The following GALR1 variants were observed in gnomAD, a reference collection of about 807,000 sequenced individuals.
The protein encoded by GALR1 is galanin receptor type 1.
In GALR1, 11 loss-of-function variants were observed where a neutral mutation model predicts 17.9. The observed-to-expected ratio is 0.62, with a 90% confidence interval of 0.39 to 1.02. The LOEUF is 1.02. Among genes scored for constraint, GALR1 ranks in the 50% least tolerant of loss-of-function variants. The pLI, the probability that GALR1 is intolerant of heterozygous loss-of-function variation, is 0.01. For missense variants in GALR1, 441 were observed against 456.9 expected (o/e 0.97, Z 0.32); for synonymous variants, 206 against 205.7 (o/e 1.00, Z -0.01).
At position 77,250,804 on chromosome 18, in the gene GALR1, C is replaced by G. The variant is rs748966690; in HGVS notation, c.256C>G (p.Leu86Val). Residue 86 changes from leucine (L) to valine (V), a missense_variant, in exon 1 of 3, where the codon CTC becomes GTC. Transcript: ENST00000299727. Reference protein sequence around the residue: ...NLSIADLAYLLFCIPFQATVY... With the variant: ...NLSIADLAYLVFCIPFQATVY... ...GAGCATCGCCGACCTGGCCTACCTG[C>G]TCTTCTGCATCCCCTTCCAGGCCAC... 5 of 1,613,884 alleles carry G rather than the reference C, an allele frequency of 3.1e-6. No individual in the cohort carries two copies. Among genetic ancestry groups the G allele is most frequent in the Non-Finnish European group, 4.2e-6 (5 of 1,180,018 alleles).
Position 77,260,672 on chromosome 18 carries a change from G to A in GALR1, c.732+4449G>A, listed in dbSNP as rs530712285. Among the ~76,000 whole-genome samples the A allele has an allele frequency of 2.6e-5, 4 of 152,320 alleles. No homozygotes were observed. In the South Asian group the frequency reaches 8.3e-4, roughly 32 times the overall value. On this transcript the variant is annotated intron_variant, in intron 2 of 2. Coordinates refer to ENST00000299727, the MANE Select transcript of GALR1 (RefSeq NM_001480.4). ...GTCTTTCATGATAAACATGCTAACA[G>A]TTATTCTCCATGTTTGGAGCAAGTG... is the stretch of plus-strand genomic sequence containing the variant.
chr18:77,251,245 G>C (rs776637657), intron 1 of GALR1, 31 bp downstream of exon 1: 1 of 1,568,408 alleles, frequency 6.4e-7, no homozygotes, highest in Admixed American at 1.7e-5. Flanking sequence ...CGAGACGCGC[G>C]AGGGAGGGCG....
Position 77,250,506 on chromosome 18 carries a change from C to T in GALR1, c.-43C>T. On this transcript the variant is annotated 5_prime_UTR_variant, in exon 1 of 3. Coordinates refer to ENST00000299727, the MANE Select transcript of GALR1 (RefSeq NM_001480.4). ...CCCGGCGCCTACTATCCCGCCCTCC[C>T]TCCCCGCGCGCCCCGCCGCTCGCCG... is the stretch of plus-strand genomic sequence containing the variant. The T allele has an allele frequency of 7.0e-7, 1 of 1,428,450 alleles. No individual in the cohort carries two copies. Among genetic ancestry groups the T allele is most frequent in the East Asian group, 2.6e-5 (1 of 37,860 alleles). 88.5% of individuals were successfully genotyped at this position (1,428,450 alleles called of 1,614,324 possible). A position where few individuals can be genotyped will look rare whatever the true frequency, so the allele number is the denominator to read the frequency against.
intron 2 of GALR1, among the ~76,000 whole-genome samples, chr18:77,258,675 GTGGTGA>G (rs1367013350): frequency 2.7e-5 from 4 of 149,170 alleles, no homozygotes; most frequent in African/African-American, 5.0e-5. Flanking sequence ...GGTGGTCATG[GTGGTGA>G]TGGTGATGGT....
intron 2 of GALR1, among the ~76,000 whole-genome samples, chr18:77,258,145 G>C (rs9951696): frequency 6.6e-6 from 1 of 152,020 alleles, no homozygotes; most frequent in African/African-American, 2.4e-5. Flanking sequence ...CTAAAGATCA[G>C]TGATTAGTTC....
rs1913142756 is a variant in GALR1 at position 77,275,706 on chromosome 18, G to A, written c.*6804G>A. 1 of 152,232 alleles carries A rather than the reference G, an allele frequency of 6.6e-6. No individual in the cohort carries two copies. Among genetic ancestry groups the A allele is most frequent in the Non-Finnish European group, 1.5e-5 (1 of 68,040 alleles). The allele number at this position is 152,232 out of a possible 1,614,324, so 9.4% of individuals were successfully genotyped here. A position where few individuals can be genotyped will look rare whatever the true frequency, so the allele number is the denominator to read the frequency against. ...AAAGGAAACAGGGTACACAAATGCT[G>A]TTTGGGAACATTGTGTCAGGATCAC... is the stretch of plus-strand genomic sequence containing the variant. On this transcript the variant is annotated 3_prime_UTR_variant, in exon 3 of 3. Coordinates refer to ENST00000299727, the MANE Select transcript of GALR1 (RefSeq NM_001480.4).
intron 2 of GALR1, among the ~76,000 whole-genome samples, chr18:77,264,594 G>A (rs1393178199): frequency 6.6e-6 from 1 of 152,064 alleles, no homozygotes; most frequent in East Asian, 1.9e-4. Flanking sequence ...AAGAGAGTGG[G>A]TATATTAGTC....
At chr18:77,252,381 G>GTGAC (rs1912438715) in intron 1 of GALR1, among the ~76,000 whole-genome samples, 1 of 152,230 alleles carries the variant, frequency 6.6e-6, no homozygotes, top group Admixed American at 6.5e-5. Context: ...CAATAAGGCT[G>GTGAC]TGACTATACG....
intron 1 of GALR1, among the ~76,000 whole-genome samples, chr18:77,255,535 G>T (rs1912566922): frequency 1.3e-5 from 2 of 152,204 alleles, no homozygotes; most frequent in Admixed American, 6.5e-5. Context: ...GAAGCCTGAT[G>T]GGAGGTGATT....
chr18:77,268,770 C>G lies in GALR1; in HGVS notation c.918C>G (p.Leu306=). Reference sequence around the variant, plus strand: ...TGAATCCTATCATTTATGCATTTCTCTCTGAAAATTTCAGGAAGGCCTATA... The same window carrying G: ...TGAATCCTATCATTTATGCATTTCTGTCTGAAAATTTCAGGAAGGCCTATA... ...SSVNPIIYAF[L]SENFRKAYKQ... Residue 306 remains leucine, a synonymous_variant, in exon 3 of 3, where the codon CTC becomes CTG. Transcript: ENST00000299727. The G allele has an allele frequency of 1.2e-6, 2 of 1,614,180 alleles. No homozygotes were observed. Among genetic ancestry groups the G allele is most frequent in the Non-Finnish European group, 1.7e-6 (2 of 1,180,022 alleles).
Position 77,276,598 on chromosome 18 carries a change from TG to T in GALR1, c.*7697del, listed in dbSNP as rs1279029215. The T allele has an allele frequency of 1.3e-5, 2 of 152,124 alleles. No homozygotes were observed. Among genetic ancestry groups the T allele is most frequent in the Non-Finnish European group, 2.9e-5 (2 of 68,026 alleles). The allele number at this position is 152,124 out of a possible 1,614,324, so 9.4% of individuals were successfully genotyped here. A position where few individuals can be genotyped will look rare whatever the true frequency, so the allele number is the denominator to read the frequency against. On this transcript the variant is annotated 3_prime_UTR_variant, in exon 3 of 3. Coordinates refer to ENST00000299727, the MANE Select transcript of GALR1 (RefSeq NM_001480.4). ...TTTGCAGCTGGTCCAGAGACCACCTTGTGAGATCTACTACCTGATTTAATTG... is the reference window on the plus strand; with the variant it reads ...TTTGCAGCTGGTCCAGAGACCACCTTTGAGATCTACTACCTGATTTAATTG...
At position 77,268,773 on chromosome 18, in the gene GALR1, T is replaced by C; in HGVS notation, c.921T>C (p.Ser307=). 2 of 1,614,136 alleles carry C rather than the reference T, an allele frequency of 1.2e-6. No homozygotes were observed. Among genetic ancestry groups the C allele is most frequent in the Non-Finnish European group, 1.7e-6 (2 of 1,179,994 alleles). ...SVNPIIYAFL[S]ENFRKAYKQV... The stretch of plus-strand genomic sequence containing the variant: ...ATCCTATCATTTATGCATTTCTCTC[T>C]GAAAATTTCAGGAAGGCCTATAAAC... Residue 307 remains serine, a synonymous_variant, in exon 3 of 3, where the codon TCT becomes TCC. Coordinates refer to ENST00000299727, the MANE Select transcript of GALR1 (RefSeq NM_001480.4).
chr18:77,257,221 C>A (rs1016721393), intron 2 of GALR1, among the ~76,000 whole-genome samples: 1 of 152,078 alleles, frequency 6.6e-6, no homozygotes, highest in African/African-American at 2.4e-5. Flanking sequence ...ATCTGATAGT[C>A]CAGAGTCAAA....
At chr18:77,257,228 C>T (rs1912611140) in intron 2 of GALR1, among the ~76,000 whole-genome samples, 1 of 151,990 alleles carries the variant, frequency 6.6e-6, no homozygotes, top group African/African-American at 2.4e-5. Flanking sequence ...AGTCCAGAGT[C>T]AAAACCAGTG....
Position 77,256,158 on chromosome 18 carries a change from G to T in GALR1, c.667G>T (p.Val223Phe), listed in dbSNP as rs148318041. ...LLLICFCYAK[V>F]LNHLHKKLKN... ...GATTTCAATAGTCTGTGTCTTTCAGGTCCTTAATCACTTGCATAAAAAGTT... is the reference window on the plus strand; with the variant it reads ...GATTTCAATAGTCTGTGTCTTTCAGTTCCTTAATCACTTGCATAAAAAGTT... Residue 223 changes from valine (V) to phenylalanine (F), a missense_variant and splice_region_variant, in exon 2 of 3, where the codon GTC (valine) becomes TTC (phenylalanine). Coordinates refer to ENST00000299727, the MANE Select transcript of GALR1 (RefSeq NM_001480.4). 197 of 1,592,158 alleles carry T rather than the reference G, an allele frequency of 1.2e-4. 2 individuals carry two copies. The African/African-American group carries it at 2.4e-3, about 19-fold the overall frequency.
intron 2 of GALR1, among the ~76,000 whole-genome samples, chr18:77,265,118 T>C (rs1433741604): frequency 6.6e-6 from 1 of 152,154 alleles, no homozygotes; most frequent in Non-Finnish European, 1.5e-5. Flanking sequence ...GCAAGTCCCT[T>C]TTGCCTATAA....
At chr18:77,256,421 G>A (rs1358056821) in intron 2 of GALR1, among the ~76,000 whole-genome samples, 198 bp downstream of exon 2, 3 of 152,056 alleles carry the variant, frequency 2.0e-5, no homozygotes, top group Admixed American at 1.3e-4. Context: ...GGGTCACTCC[G>A]TGCTGCATTC....
At chr18:77,265,216 G>A (rs111394888) in intron 2 of GALR1, among the ~76,000 whole-genome samples, 2,806 of 152,200 alleles carry the variant, frequency 0.018, 84 homozygotes, top group African/African-American at 0.064. Context: ...TTCCAAATAG[G>A]AGAAATTAGC....
intron 2 of GALR1, among the ~76,000 whole-genome samples, chr18:77,259,033 GTCATGA>G (rs1213555802): frequency 8.5e-4 from 11 of 13,014 alleles, no homozygotes; most frequent in Non-Finnish European, 2.2e-3. Flanking sequence ...GTTGGTGGTG[GTCATGA>G]TGGTCATGGT....
Sources: allele counts gnomAD v4.1 joint callset (sites outside exome capture counted in the v4.1 genomes callset), GRCh38; gene constraint gnomAD v4.1.1; transcripts MANE v1.5; gene names NCBI Gene and HGNC (gene_info 2026-07-23, HGNC 2026-07-21).